The following PDHX variants were observed in gnomAD, a reference collection of about 807,000 sequenced individuals.
PDHX encodes the protein pyruvate dehydrogenase complex component X, also known as pyruvate dehydrogenase protein X component, mitochondrial.
Under a neutral mutation model 55.3 loss-of-function variants are expected in PDHX, and 33 were observed. That is an observed-to-expected ratio of 0.60 (90% confidence interval 0.45 to 0.80). The LOEUF (loss-of-function observed/expected upper bound fraction) is 0.80. PDHX is among the 30% of genes least tolerant of loss of function. PDHX has a pLI of 0.00. For missense variants in PDHX, 622 were observed against 619.9 expected (o/e 1.00, Z -0.04); for synonymous variants, 226 against 219.4 (o/e 1.03, Z -0.27).
chr11:34,984,504 AT>A, intron 8 of PDHX, 65 bp from the exon 9 acceptor site: 2 of 1,379,896 alleles, frequency 1.4e-6, no homozygotes, highest in East Asian at 2.3e-5. Flanking sequence ...CAATGATTTT[AT>A]TTTTCTGTAA....
At chr11:34,966,587 C>G in intron 5 of PDHX, 53 bp from the exon 6 acceptor site, 1 of 1,549,260 alleles carries the variant, frequency 6.5e-7, no homozygotes, top group Non-Finnish European at 8.9e-7. Flanking sequence ...TCTGAAAGTT[C>G]TGTTATATTC....
chr11:34,926,659 G>C (rs540244542), intron 1 of PDHX, among the ~76,000 whole-genome samples: 2 of 83,420 alleles, frequency 2.4e-5, no homozygotes, highest in African/African-American at 9.5e-5. Context: ...TTAAGAGTTT[G>C]CTTGTATTAA....
rs532848288 is a variant in PDHX at position 34,952,292 on chromosome 11, A to G, written c.342+4686A>G. ...AGGAACTGGTACCATTCCTTCTGAA[A>G]CTATTCCAATCAATAGAAAAAGAGG... On this transcript the variant is annotated intron_variant, in intron 3 of 10. Coordinates refer to ENST00000227868, the MANE Select transcript of PDHX (RefSeq NM_003477.3). 1.1e-3 allele frequency among the ~76,000 whole-genome samples: 161 copies of G among 152,174 alleles called. 1 individual carries two copies. Among genetic ancestry groups the G allele is most frequent in the African/African-American group, 3.7e-3 (155 of 41,524 alleles).
intron 8 of PDHX, among the ~76,000 whole-genome samples, chr11:34,980,069 T>TA (rs1195940141): frequency 1.3e-5 from 2 of 151,364 alleles, no homozygotes; most frequent in East Asian, 3.8e-4. Context: ...TCAGCTTTTT[T>TA]AAAAAATCAA....
upstream of PDHX, chr11:34,916,380 A>G: frequency 6.4e-7 from 1 of 1,557,374 alleles, no homozygotes. Flanking sequence ...AAATGCAATC[A>G]GGCGGCGCTG....
Position 34,969,302 on chromosome 11 carries a change from G to C in PDHX, c.817-837G>C, listed in dbSNP as rs544350201. On this transcript the variant is annotated intron_variant, in intron 6 of 10. Coordinates refer to ENST00000227868, the MANE Select transcript of PDHX (RefSeq NM_003477.3). Reference sequence around the variant, plus strand: ...AAAGGGCAACTATATATTAATAGTTGGTTTGTTGATTTATTGGCTGTTTTA... The same window carrying C: ...AAAGGGCAACTATATATTAATAGTTCGTTTGTTGATTTATTGGCTGTTTTA... 2.6e-5 allele frequency among the ~76,000 whole-genome samples: 4 copies of C among 151,158 alleles called. No homozygotes were observed. In the South Asian group the frequency reaches 8.4e-4, roughly 32 times the overall value.
chr11:34,959,024 C>A (rs547503192), intron 4 of PDHX, among the ~76,000 whole-genome samples: 1 of 152,140 alleles, frequency 6.6e-6, no homozygotes, highest in Non-Finnish European at 1.5e-5. Context: ...CAGCAAGTTC[C>A]ACAGTTGTTT....
intron 9 of PDHX, among the ~76,000 whole-genome samples, chr11:34,988,412 A>G (rs534466745): frequency 1.3e-5 from 2 of 152,308 alleles, no homozygotes; most frequent in South Asian, 2.1e-4. Flanking sequence ...TAAGTGATGT[A>G]GCCAGCATCT....
chr11:34,919,260 G>A (rs1211920606), intron 1 of PDHX, among the ~76,000 whole-genome samples: 1 of 149,560 alleles, frequency 6.7e-6, no homozygotes, highest in Non-Finnish European at 1.5e-5. Context: ...GGCAATCCTT[G>A]AACTATTTGT....
At chr11:34,986,575 AAATT>A (rs1432099978) in intron 9 of PDHX, among the ~76,000 whole-genome samples, 1 of 152,230 alleles carries the variant, frequency 6.6e-6, no homozygotes, top group African/African-American at 2.4e-5. Context: ...TAAATTTTAA[AAATT>A]AACCATTATA....
intron 4 of PDHX, among the ~76,000 whole-genome samples, chr11:34,957,910 C>CT (rs2133973302): frequency 6.6e-6 from 1 of 152,280 alleles, no homozygotes; most frequent in East Asian, 1.9e-4. Context: ...ACTTGATACT[C>CT]TGTTCCCATT....
At chr11:34,947,943 G>A (rs377522625) in intron 3 of PDHX, among the ~76,000 whole-genome samples, 1 of 152,168 alleles carries the variant, frequency 6.6e-6, no homozygotes, top group Admixed American at 6.5e-5. Flanking sequence ...GCCAACCAGC[G>A]TGTTTGTTTC....
intron 8 of PDHX, among the ~76,000 whole-genome samples, chr11:34,982,110 T>C (rs1855527614): frequency 6.6e-6 from 1 of 152,232 alleles, no homozygotes; most frequent in Non-Finnish European, 1.5e-5. Flanking sequence ...GCCTAGGTTT[T>C]CTTCTAGGGT....
At chr11:34,925,165 A>G (rs7950996) in intron 1 of PDHX, among the ~76,000 whole-genome samples, 33,535 of 152,252 alleles carry the variant, frequency 0.22, 4,894 homozygotes, top group Non-Finnish European at 0.34. Flanking sequence ...TGTCAGCCAC[A>G]TCAGATACTT....
intron 1 of PDHX, among the ~76,000 whole-genome samples, chr11:34,917,659 C>T (rs545586342): frequency 6.6e-6 from 1 of 151,926 alleles, no homozygotes; most frequent in Non-Finnish European, 1.5e-5. Flanking sequence ...GTAGACGTTG[C>T]CTTCATATTC....
intron 7 of PDHX, among the ~76,000 whole-genome samples, chr11:34,973,400 G>A (rs1590761340): frequency 6.6e-6 from 1 of 151,998 alleles, no homozygotes. Flanking sequence ...TGTTTAGACC[G>A]CTCACATTTA....
intron 2 of PDHX, among the ~76,000 whole-genome samples, chr11:34,943,139 A>C (rs1854529590): frequency 6.6e-6 from 1 of 152,208 alleles, no homozygotes. Context: ...ATGGGAATAT[A>C]AAACATTTAA....
chr11:34,918,441 GAAAA>G (rs144806314), intron 1 of PDHX, among the ~76,000 whole-genome samples: 1 of 147,682 alleles, frequency 6.8e-6, no homozygotes. Context: ...TGTCTCAGGA[GAAAA>G]AAAAAAAAAA....
intron 3 of PDHX, among the ~76,000 whole-genome samples, chr11:34,948,697 A>G (rs1201100818): frequency 6.6e-6 from 1 of 151,918 alleles, no homozygotes; most frequent in Non-Finnish European, 1.5e-5. Context: ...TGTTGATAAT[A>G]CAGTTAACTT....
Sources: allele counts gnomAD v4.1 joint callset (sites outside exome capture counted in the v4.1 genomes callset), GRCh38; gene constraint gnomAD v4.1.1; transcripts MANE v1.5; gene names NCBI Gene and HGNC (gene_info 2026-07-23, HGNC 2026-07-21).